SSX3: variants seen among roughly 807,000 people sequenced by gnomAD.
SSX3 encodes the protein SSX family member 3.
SSX3 carries 6 observed loss-of-function variants against 14.8 expected under a neutral mutation model. The ratio of observed to expected loss-of-function variants is 0.41; its 90% CI spans 0.22 to 0.80. SSX3 has a LOEUF of 0.80. SSX3 is among the 30% of genes least tolerant of loss of function. The pLI, the probability that SSX3 is intolerant of heterozygous loss-of-function variation, is 0.34. For missense variants in SSX3, 163 were observed against 152.2 expected (o/e 1.07, Z -0.37); for synonymous variants, 55 against 52.9 (o/e 1.04, Z -0.18).
chrX:48,349,879 C>G lies in SSX3; in HGVS notation c.466+108G>C, dbSNP rs1225285686. The G allele has an allele frequency of 1.0e-5, 12 of 1,173,396 alleles. No homozygotes were observed. The African/African-American group carries it at 1.1e-4, about 11-fold the overall frequency. On this transcript the variant is annotated intron_variant, in intron 6 of 7. Coordinates refer to ENST00000298396, the MANE Select transcript of SSX3 (RefSeq NM_021014.4). Reference sequence around the variant, plus strand: ...ATCTGGAGCTGGGCAAGCTCCTCAGCCCAGCCTGGACCCAGGGTTATCTGG... The same window carrying G: ...ATCTGGAGCTGGGCAAGCTCCTCAGGCCAGCCTGGACCCAGGGTTATCTGG...
rs782454173 is a variant in SSX3, at chrX:48,350,015, A to G, written c.438T>C (p.Thr146=). 4 of 1,209,591 alleles carry G rather than the reference A, an allele frequency of 3.3e-6. No homozygotes were observed. The highest frequency in any genetic ancestry group is 4.5e-6 in the Non-Finnish European group (4 of 895,144). ...GKQLCPPGKP[T]TSEKINMISG... ...ATATCATGTTAATCTTCTCAGAGGTAGTTGGTTTTCCCGGGGGGCACAGCT... is the reference window on the plus strand; with the variant it reads ...ATATCATGTTAATCTTCTCAGAGGTGGTTGGTTTTCCCGGGGGGCACAGCT... The change falls in exon 6 of 8, where the codon ACT becomes ACC. Residue 146 remains threonine, a synonymous_variant. Coordinates refer to ENST00000298396, the MANE Select transcript of SSX3 (RefSeq NM_021014.4).
Position 48,352,168 on chromosome X carries a change from G to C in SSX3, c.281-19C>G, listed in dbSNP as rs2061266209. On this transcript the variant is annotated intron_variant, in intron 4 of 7. Transcript: ENST00000298396. ...CGTTGAACTGAAAGAGAATACATCAGAATTTTTCATTGTTGGTAAAGGTTT... is the reference window on the plus strand; with the variant it reads ...CGTTGAACTGAAAGAGAATACATCACAATTTTTCATTGTTGGTAAAGGTTT... 2 of 1,203,318 alleles carry C rather than the reference G, an allele frequency of 1.7e-6. No homozygotes were observed. Among genetic ancestry groups the C allele is most frequent in the African/African-American group, 1.7e-5 (1 of 57,246 alleles).
intron 2 of SSX3, 90 bp from the exon 3 acceptor site, chrX:48,354,836 G>A (rs1157231795): frequency 8.3e-7 from 1 of 1,199,598 alleles, no homozygotes; most frequent in Non-Finnish European, 1.1e-6. Flanking sequence ...GCTGGATCTG[G>A]GAAGTGGGGA....
chrX:48,354,548 T>C (rs1426367339), intron 3 of SSX3, 84 bp downstream of exon 3: 15 of 1,042,084 alleles, frequency 1.4e-5, no homozygotes, highest in Non-Finnish European at 2.0e-5. Context: ...GTGAGGTACT[T>C]TCTGCAGCCT....
chrX:48,356,195 G>A (rs1218254861), intron 1 of SSX3, among the ~76,000 whole-genome samples: 3 of 111,321 alleles, frequency 2.7e-5, no homozygotes, highest in African/African-American at 9.8e-5. Context: ...GGTGGTGCGC[G>A]CCTGTAGTCC....
At chrX:48,354,886 A>T in intron 2 of SSX3, 140 bp from the exon 3 acceptor site, 1 of 1,196,150 alleles carries the variant, frequency 8.4e-7, no homozygotes, top group Admixed American at 2.2e-5. Flanking sequence ...CTGACAGAAC[A>T]TGAGGGACCT....
At chrX:48,349,940 G>A (rs782597753) in intron 6 of SSX3, 47 bp downstream of exon 6, 34 of 1,206,530 alleles carry the variant, frequency 2.8e-5, no homozygotes, top group Middle Eastern at 2.3e-4. Context: ...ACACCTGAAC[G>A]TCGCCAGGGA....
chrX:48,353,384 A>G (rs1169292573), intron 4 of SSX3, among the ~76,000 whole-genome samples: 1 of 111,122 alleles, frequency 9.0e-6, no homozygotes, highest in Non-Finnish European at 1.9e-5. Context: ...AGCAGTTTGG[A>G]AGGCTGAGGC....
At chrX:48,348,575 G>A (rs782260765) in intron 6 of SSX3, 26 of 428,156 alleles carry the variant, frequency 6.1e-5, no homozygotes, top group Non-Finnish European at 1.0e-4. Context: ...TAAGATTAGT[G>A]AGGAAGCATG....
intron 2 of SSX3, 51 bp downstream of exon 2, chrX:48,355,130 A>T: frequency 8.3e-7 from 1 of 1,201,819 alleles, no homozygotes; most frequent in South Asian, 1.8e-5. Flanking sequence ...AAACCGGGTC[A>T]CCCCACACTG....
chrX:48,356,154 AAAAC>A (rs1413764942), intron 1 of SSX3, among the ~76,000 whole-genome samples: 5 of 112,063 alleles, frequency 4.5e-5, no homozygotes, highest in Non-Finnish European at 7.5e-5. Flanking sequence ...TCTACTAAAA[AAAAC>A]AAACAAACAA....
At chrX:48,353,884 C>A in intron 4 of SSX3, 115 bp downstream of exon 4, 1 of 755,777 alleles carries the variant, frequency 1.3e-6, no homozygotes. Context: ...TTTTTTTTTT[C>A]ACTCTGCCCC....
Position 48,354,699 on chromosome X carries a change from C to G in SSX3, c.117G>C (p.Lys39Asn). Residue 39 changes from lysine (K) to asparagine (N), a missense_variant, in exon 3 of 8, where the codon AAG becomes AAC. By Grantham distance (94) the Lys-to-Asn change is moderately conservative (BLOSUM62 0). Transcript: ENST00000298396. ...AGACGATTTTCTCCGAGACTTTCATCTTTTCCCACTCTTCCTTAGAGAAGT... is the reference window on the plus strand; with the variant it reads ...AGACGATTTTCTCCGAGACTTTCATGTTTTCCCACTCTTCCTTAGAGAAGT... ...AKYFSKEEWE[K>N]MKVSEKIVYV... 3 of 1,207,281 alleles carry G rather than the reference C, an allele frequency of 2.5e-6. No individual in the cohort carries two copies. In the South Asian group the frequency reaches 5.3e-5, roughly 21 times the overall value.
intron 7 of SSX3, among the ~76,000 whole-genome samples, 160 bp from the exon 8 acceptor site, chrX:48,347,195 T>C (rs1474278712): frequency 8.9e-6 from 1 of 112,435 alleles, no homozygotes; most frequent in African/African-American, 3.2e-5. Flanking sequence ...GAACCATCTG[T>C]TCATGCCACA....
chrX:48,350,252 C>T (rs2061256510), intron 5 of SSX3, 130 bp from the exon 6 acceptor site: 1 of 999,956 alleles, frequency 1.0e-6, no homozygotes, highest in African/African-American at 1.9e-5. Flanking sequence ...TTACACAGGC[C>T]TAAATTAGGA....
In SSX3 at chrX:48,349,739, T is replaced by C. The variant is rs782354871; in HGVS notation, c.466+248A>G. On this transcript the variant is annotated intron_variant, in intron 6 of 7. Transcript: ENST00000298396. ...GAACTATGATTCTTTATTTCCATCT[T>C]ATGGACTAGGAACCTGGAGCTGAGG... is the stretch of plus-strand genomic sequence containing the variant. 1.1e-5 allele frequency: 13 copies of C among 1,137,431 alleles called. No homozygotes were observed. In the South Asian group the frequency reaches 1.8e-4, roughly 16 times the overall value. 93.7% of individuals were successfully genotyped at this position (1,137,431 alleles called of 1,213,427 possible). A position where few individuals can be genotyped will look rare whatever the true frequency, so the allele number is the denominator to read the frequency against.
At chrX:48,352,218 G>C (rs1450557345) in intron 4 of SSX3, 69 bp from the exon 5 acceptor site, 3 of 1,112,855 alleles carry the variant, frequency 2.7e-6, no homozygotes, top group Non-Finnish European at 3.7e-6. Context: ...GACTTCTGTC[G>C]CATCAGGGTA....
intron 1 of SSX3, among the ~76,000 whole-genome samples, chrX:48,355,810 A>G (rs782673942): frequency 1.6e-4 from 18 of 111,823 alleles, no homozygotes; most frequent in Non-Finnish European, 2.3e-4. Flanking sequence ...GTAAGTTATT[A>G]GAACGAAGAG....
intron 6 of SSX3, chrX:48,349,763 G>C: frequency 8.8e-7 from 1 of 1,131,103 alleles, no homozygotes; most frequent in East Asian, 3.0e-5. Context: ...CTGGAGCTGA[G>C]GAAATTTGGA....
Sources: allele counts gnomAD v4.1 joint callset (sites outside exome capture counted in the v4.1 genomes callset), GRCh38; gene constraint gnomAD v4.1.1; transcripts MANE v1.5; gene names NCBI Gene and HGNC (gene_info 2026-07-23, HGNC 2026-07-21).